Variants in PDIA4 observed in about 807,000 individuals in gnomAD.
The protein encoded by PDIA4 is protein disulfide isomerase family A member 4, also known as protein disulfide-isomerase A4.
Under a neutral mutation model 62.1 loss-of-function variants are expected in PDIA4, and 33 were observed. The observed-to-expected ratio is 0.53, with a 90% confidence interval of 0.40 to 0.71. The LOEUF (loss-of-function observed/expected upper bound fraction) is 0.71. Among genes scored for constraint, PDIA4 ranks in the 30% least tolerant of loss-of-function variants. The pLI, the probability that PDIA4 is intolerant of heterozygous loss-of-function variation, is 0.00. For missense variants in PDIA4, 804 were observed against 813.6 expected (o/e 0.99, Z 0.14); for synonymous variants, 341 against 324.1 (o/e 1.05, Z -0.56).
At chr7:149,015,209 A>G (rs969631748) in intron 3 of PDIA4, among the ~76,000 whole-genome samples, 167 bp from the exon 4 acceptor site, 1 of 152,204 alleles carries the variant, frequency 6.6e-6, no homozygotes, top group Non-Finnish European at 1.5e-5. Flanking sequence ...TTTTGGGGAC[A>G]CAGCCAAGAG....
chr7:149,018,802 AC>A (rs951459309), intron 3 of PDIA4, among the ~76,000 whole-genome samples, 189 bp downstream of exon 3: 3 of 22,328 alleles, frequency 1.3e-4, no homozygotes, highest in African/African-American at 3.6e-4. Flanking sequence ...GCCCCAACCC[AC>A]CCTGCCCACC....
Position 149,014,959 on chromosome 7 carries a change from A to G in PDIA4, c.559T>C (p.Phe187Leu). The change falls in exon 4 of 10, where the codon TTT becomes CTT. Residue 187 changes from phenylalanine to leucine, a missense_variant. Phe to Leu is a conservative substitution (Grantham distance 22). Transcript: ENST00000652332. ...EVTLVLTKEN[F>L]DEVVNDADII... ...TCTGCATCATTCACAACTTCATCAA[A>G]GTTCTCTTTGGTCAACACAAGCGTG... The G allele has an allele frequency of 6.2e-7, 1 of 1,614,148 alleles. No individual in the cohort carries two copies. The highest frequency in any genetic ancestry group is 1.1e-5 in the South Asian group (1 of 91,082).
chr7:149,004,815 C>T (rs1252270749), intron 9 of PDIA4, among the ~76,000 whole-genome samples: 2 of 152,232 alleles, frequency 1.3e-5, no homozygotes, highest in African/African-American at 2.4e-5. Flanking sequence ...TGTGCTAAGG[C>T]CGCTGAGTGA....
At chr7:149,015,660 T>C (rs922538753) in intron 3 of PDIA4, among the ~76,000 whole-genome samples, 2 of 152,154 alleles carry the variant, frequency 1.3e-5, no homozygotes, top group African/African-American at 4.8e-5. Context: ...GTACAAAAAA[T>C]GTGCCAAGCA....
chr7:149,028,417 G>A lies in PDIA4; in HGVS notation c.-9C>T. On this transcript the variant is annotated 5_prime_UTR_variant, in exon 1 of 10. Coordinates refer to ENST00000652332, the MANE Select transcript of PDIA4 (RefSeq NM_004911.5). The stretch of plus-strand genomic sequence containing the variant: ...GCTTTCCGGGGCCTCATGGTAGCGG[G>A]GGCGGAGCGCGGCCTCCTAGCGTCG... 1.3e-6 allele frequency: 2 copies of A among 1,490,044 alleles called. No individual in the cohort carries two copies. Among genetic ancestry groups the A allele is most frequent in the East Asian group, 2.8e-5 (1 of 35,278 alleles). 92.3% of individuals were successfully genotyped at this position (1,490,044 alleles called of 1,614,324 possible).
In PDIA4 at chr7:149,003,935, G is replaced by A. The variant is rs1216055570; in HGVS notation, c.1797C>T (p.Gly599=). The change falls in exon 10 of 10, where the codon GGC becomes GGT. Residue 599 remains glycine (G), a synonymous_variant. Coordinates refer to ENST00000652332, the MANE Select transcript of PDIA4 (RefSeq NM_004911.5). ...DVPSDRYKVE[G]FPTIYFAPSG... is the part of the protein sequence containing the mutation. ...TGGGGGCGAAGTAGATGGTGGGGAA[G>A]CCCTCCACCTTATAGCGGTCGCTGG... 1 of 1,613,698 alleles carries A rather than the reference G, an allele frequency of 6.2e-7. No individual in the cohort carries two copies. The highest frequency in any genetic ancestry group is 1.7e-5 in the Admixed American group (1 of 59,920).
At chr7:149,006,077 AG>A (rs1314065745) in intron 7 of PDIA4, 24 bp from the exon 8 acceptor site, 1 of 1,537,484 alleles carries the variant, frequency 6.5e-7, no homozygotes, top group Non-Finnish European at 8.7e-7. Context: ...GGAACAGGTG[AG>A]GGGGCCCACC....
At chr7:149,015,133 G>A (rs1052924569) in intron 3 of PDIA4, 91 bp from the exon 4 acceptor site, 4 of 1,336,698 alleles carry the variant, frequency 3.0e-6, no homozygotes, top group Admixed American at 2.0e-5. Context: ...GGGGAAGAAA[G>A]CAAGTGTCGG....
chr7:149,019,185 G>T lies in PDIA4; in HGVS notation c.282C>A (p.Cys94Ter). Residue 94 changes from cysteine (C) to a stop codon, truncating the protein, a stop_gained, in exon 3 of 10, where the codon TGC becomes TGA. Transcript: ENST00000652332. LOFTEE classifies it high-confidence loss of function. ...TTTCATATTCCGGAGCAAACTGCTT[G>T]CAATGTCCACACCTAACAATTAGAT... ...LEFYAPWCGHCKQFAPEYEKI... is the reference protein window; with the variant it reads ...LEFYAPWCGH 1 of 1,612,160 alleles carries T rather than the reference G, an allele frequency of 6.2e-7. No homozygotes were observed. Among genetic ancestry groups the T allele is most frequent in the Non-Finnish European group, 8.5e-7 (1 of 1,178,256 alleles).
In PDIA4 at chr7:149,027,770, T is replaced by G. The variant is rs1824608369; in HGVS notation, c.88+551A>C. 2.0e-5 allele frequency: 9 copies of G among 443,286 alleles called. No homozygotes were observed. In the Admixed American group the frequency reaches 2.2e-4, roughly 11 times the overall value. 27.5% of individuals were successfully genotyped at this position (443,286 alleles called of 1,614,324 possible). On this transcript the variant is annotated intron_variant, in intron 1 of 9. Coordinates refer to ENST00000652332, the MANE Select transcript of PDIA4 (RefSeq NM_004911.5). ...AATGCTAAATGCAGAAGGAATGGTA[T>G]CTCTAGTTTCTCAAAGGTGCAAACC...
Position 149,004,160 on chromosome 7 carries a change from CTTG to C in PDIA4, c.1569_1571del (p.Asn523del), listed in dbSNP as rs1823658746. On this transcript the variant is annotated inframe_deletion, in exon 10 of 10. Coordinates refer to ENST00000652332, the MANE Select transcript of PDIA4 (RefSeq NM_004911.5). ...TTCCCACCACGACCTTGACGGGTCC[CTTG>C]TTGTTCTTGGGCACTGGCTGGGATT... is the stretch of plus-strand genomic sequence containing the variant. 1.9e-6 allele frequency: 3 copies of C among 1,614,016 alleles called. No homozygotes were observed. In the East Asian group the frequency reaches 6.7e-5, roughly 36 times the overall value.
intron 2 of PDIA4, among the ~76,000 whole-genome samples, chr7:149,019,613 C>T (rs149038445): frequency 0.011 from 1,607 of 152,238 alleles, 30 homozygotes; most frequent in African/African-American, 0.037. Context: ...GAGTTCAAGA[C>T]CAGCCTGGCC....
chr7:149,026,261 C>T (rs145903786), intron 1 of PDIA4, among the ~76,000 whole-genome samples: 2 of 152,262 alleles, frequency 1.3e-5, no homozygotes, highest in Non-Finnish European at 2.9e-5. Flanking sequence ...CCGTGGCTCA[C>T]GCCAGTAATC....
At chr7:149,019,495 G>GT (rs1824268517) in intron 2 of PDIA4, among the ~76,000 whole-genome samples, 2 of 152,194 alleles carry the variant, frequency 1.3e-5, no homozygotes, top group African/African-American at 2.4e-5. Context: ...TGAGGCAGGT[G>GT]TATCACCTGA....
Position 149,004,151 on chromosome 7 carries a change from G to C in PDIA4, c.1581C>G (p.Val527=), listed in dbSNP as rs1163043994. The C allele has an allele frequency of 1.2e-6, 2 of 1,614,134 alleles. No individual in the cohort carries two copies. The highest frequency in any genetic ancestry group is 3.3e-4 in the Middle Eastern group (2 of 6,062). The change falls in exon 10 of 10, where the codon GTC becomes GTG. Residue 527 remains valine (V), a synonymous_variant. Transcript: ENST00000652332. ...QPVPKNNKGP[V]KVVVGKTFDS... Reference sequence around the variant, plus strand: ...CAAAGGTCTTTCCCACCACGACCTTGACGGGTCCCTTGTTGTTCTTGGGCA... The same window carrying C: ...CAAAGGTCTTTCCCACCACGACCTTCACGGGTCCCTTGTTGTTCTTGGGCA...
In PDIA4 at chr7:149,005,964, C is replaced by T. The variant is rs1823741258; in HGVS notation, c.1221G>A (p.Lys407=). ...CCACCAGGGGGCGCCTGGTGTAGCGCTTAGCATCGTTTGACACCTTGCGGT... is the reference window on the plus strand; with the variant it reads ...CCACCAGGGGGCGCCTGGTGTAGCGTTTAGCATCGTTTGACACCTTGCGGT... ...VGHRKVSNDA[K]RYTRRPLVVV... The change falls in exon 8 of 10, where the codon AAG becomes AAA. Residue 407 remains lysine, a synonymous_variant. Transcript: ENST00000652332. 5 of 1,539,254 alleles carry T rather than the reference C, an allele frequency of 3.2e-6. No individual in the cohort carries two copies. The highest frequency in any genetic ancestry group is 4.3e-6 in the Non-Finnish European group (5 of 1,153,850).
chr7:149,008,353 A>G (rs972661558), intron 6 of PDIA4, 43 bp from the exon 7 acceptor site: 10 of 1,583,256 alleles, frequency 6.3e-6, no homozygotes, highest in Non-Finnish European at 8.6e-6. Context: ...AAAATTGCCT[A>G]AATGTCTGAG....
chr7:149,012,444 G>T, intron 4 of PDIA4, 84 bp from the exon 5 acceptor site: 1 of 1,158,652 alleles, frequency 8.6e-7, no homozygotes. Context: ...AACCCATCCT[G>T]TGCTCCCTAG....
rs765961291 is a variant in PDIA4 at position 149,005,181 on chromosome 7, G to A, written c.1482C>T (p.Asp494=). 17 of 1,614,106 alleles carry A rather than the reference G, an allele frequency of 1.1e-5. No individual in the cohort carries two copies. The highest frequency in any genetic ancestry group is 1.4e-5 in the Non-Finnish European group (17 of 1,179,954). Residue 494 remains aspartate, a synonymous_variant, in exon 9 of 10, where the codon GAC becomes GAT. Transcript: ENST00000652332. ...KKFAMEPEEF[D]SDTLREFVTA... is the part of the protein sequence containing the mutation. ...TGACAAACTCGCGGAGGGTGTCAGAGTCAAACTCCTCTGGCTCCATGGCGA... is the reference window on the plus strand; with the variant it reads ...TGACAAACTCGCGGAGGGTGTCAGAATCAAACTCCTCTGGCTCCATGGCGA...
Sources: allele counts gnomAD v4.1 joint callset (sites outside exome capture counted in the v4.1 genomes callset), GRCh38; gene constraint gnomAD v4.1.1; transcripts MANE v1.5; gene names NCBI Gene and HGNC (gene_info 2026-07-23, HGNC 2026-07-21).